The following NHSL1 variants were observed in gnomAD, a reference collection of about 807,000 sequenced individuals.
The protein encoded by NHSL1 is NHS-like protein 1.
Under a neutral mutation model 95.0 loss-of-function variants are expected in NHSL1, and 48 were observed. The ratio of observed to expected loss-of-function variants is 0.51; its 90% CI spans 0.40 to 0.64. The LOEUF (loss-of-function observed/expected upper bound fraction) is 0.64. NHSL1 is among the 30% of genes least tolerant of loss of function. The pLI, the probability that NHSL1 is intolerant of heterozygous loss-of-function variation, is 0.00. For missense variants in NHSL1, 1,971 were observed against 2,077.7 expected (o/e 0.95, Z 1.00); for synonymous variants, 783 against 833.9 (o/e 0.94, Z 1.05).
At chr6:138,517,500 C>A (rs1781504539) in intron 1 of NHSL1, among the ~76,000 whole-genome samples, 1 of 152,148 alleles carries the variant, frequency 6.6e-6, no homozygotes, top group Non-Finnish European at 1.5e-5. Context: ...AAGATCTAAC[C>A]ACTATCAGTA....
intron 1 of NHSL1, among the ~76,000 whole-genome samples, chr6:138,657,814 CAAAAAA>C (rs1051789759): frequency 1.5e-4 from 5 of 33,042 alleles, no homozygotes; most frequent in South Asian, 2.8e-3. Context: ...GACTCCATCT[CAAAAAA>C]AAAAAAAAAA....
rs771128438 is a variant in NHSL1 at position 138,433,023 on chromosome 6, G to C, written c.1322C>G (p.Ser441Cys). The change falls in exon 6 of 8, where the codon TCT becomes TGT. Residue 441 changes from serine to cysteine, a missense_variant. By Grantham distance (112) the Ser-to-Cys change is moderately radical. Coordinates refer to ENST00000343505, the MANE Select transcript of NHSL1 (RefSeq NM_001144060.2). ...QSAGQRESKS[S>C]GSSHARIKSR... ...TTTTATCCTTGCATGTGATGAGCCAGAACTTTTACTTTCCCGCTGTCCCGC... is the reference window on the plus strand; with the variant it reads ...TTTTATCCTTGCATGTGATGAGCCACAACTTTTACTTTCCCGCTGTCCCGC... 4.5e-6 allele frequency: 7 copies of C among 1,551,498 alleles called. No homozygotes were observed. The highest frequency in any genetic ancestry group is 6.1e-6 in the Non-Finnish European group (7 of 1,147,004).
chr6:138,461,786 C>T (rs1368918421), intron 3 of NHSL1, among the ~76,000 whole-genome samples: 1 of 151,988 alleles, frequency 6.6e-6, no homozygotes, highest in Non-Finnish European at 1.5e-5. Flanking sequence ...GATGAAAGGT[C>T]AAAGTAGGGT....
chr6:138,484,498 GGAAAATACACTACTAATTGT>G (rs993643828), intron 2 of NHSL1, among the ~76,000 whole-genome samples: 3 of 151,932 alleles, frequency 2.0e-5, no homozygotes, highest in African/African-American at 4.8e-5. Context: ...AACCACAGAG[GGAAAATACACTACTAATTGT>G]GGTCATCGGC....
At chr6:138,520,505 G>C (rs1562345400) in intron 1 of NHSL1, among the ~76,000 whole-genome samples, 1 of 151,926 alleles carries the variant, frequency 6.6e-6, no homozygotes, top group African/African-American at 2.4e-5. Flanking sequence ...GGCCAGGCTG[G>C]TCTTAAACTC....
Position 138,431,178 on chromosome 6 carries a change from G to C in NHSL1, c.3167C>G (p.Thr1056Ser). 1 of 1,548,658 alleles carries C rather than the reference G, an allele frequency of 6.5e-7. No individual in the cohort carries two copies. The highest frequency in any genetic ancestry group is 8.7e-7 in the Non-Finnish European group (1 of 1,144,842). Residue 1056 changes from threonine to serine, a missense_variant, in exon 6 of 8, where the codon ACC becomes AGC. By Grantham distance (58) the Thr-to-Ser change is moderately conservative. Transcript: ENST00000343505. This position sits in a 1 kb window ranked among gnomAD's most constrained non-coding sequence, Gnocchi z 4.0. ...SSRGSLRPPS[T>S]KEETSRPPMP... ...GGGGGGCCTGCTGGTCTCCTCCTTGGTAGAAGGCGGCCTCAAGGATCCCCG... is the reference window on the plus strand; with the variant it reads ...GGGGGGCCTGCTGGTCTCCTCCTTGCTAGAAGGCGGCCTCAAGGATCCCCG...
At chr6:138,624,841 C>G (rs1784714018) in intron 1 of NHSL1, among the ~76,000 whole-genome samples, 2 of 152,178 alleles carry the variant, frequency 1.3e-5, no homozygotes, top group South Asian at 2.1e-4. Context: ...GATTCTTCAT[C>G]AGAACCAAAT....
chr6:138,499,489 G>A lies in NHSL1; in HGVS notation c.-199C>T. ...CAGTTACAAACCATTAACAGTCCTT[G>A]AACCTGAAAAACTCCTACTGAAACC... On this transcript the variant is annotated 5_prime_UTR_variant, in exon 1 of 8. Transcript: ENST00000343505. The A allele has an allele frequency of 7.9e-7, 1 of 1,260,830 alleles. No individual in the cohort carries two copies. 78.1% of individuals were successfully genotyped at this position (1,260,830 alleles called of 1,614,324 possible). A position where few individuals can be genotyped will look rare whatever the true frequency, so the allele number is the denominator to read the frequency against.
intron 1 of NHSL1, among the ~76,000 whole-genome samples, chr6:138,685,278 G>A (rs1309790663): frequency 2.0e-5 from 3 of 152,102 alleles, no homozygotes; most frequent in Non-Finnish European, 2.9e-5. Context: ...CAATACCCAA[G>A]AGTCAATGAG....
At chr6:138,505,229 T>C (rs1034426955) in intron 1 of NHSL1, among the ~76,000 whole-genome samples, 4 of 152,186 alleles carry the variant, frequency 2.6e-5, no homozygotes, top group Non-Finnish European at 5.9e-5. Flanking sequence ...TTTTCACAAA[T>C]ACTGTTAAAC....
chr6:138,658,235 T>C (rs1334713392), intron 1 of NHSL1, among the ~76,000 whole-genome samples: 3 of 152,226 alleles, frequency 2.0e-5, no homozygotes. Context: ...GATGATTCTC[T>C]TAACAAATTT....
intron 2 of NHSL1, among the ~76,000 whole-genome samples, chr6:138,482,306 C>CATG (rs796097394): frequency 1.6e-4 from 25 of 152,062 alleles, no homozygotes; most frequent in African/African-American, 5.5e-4. Context: ...ATTAGCTGGG[C>CATG]GTGGTGGCGG....
intron 1 of NHSL1, among the ~76,000 whole-genome samples, chr6:138,676,509 C>G (rs1490201909): frequency 6.6e-6 from 1 of 152,148 alleles, no homozygotes; most frequent in African/African-American, 2.4e-5. Flanking sequence ...CTCATTTTAT[C>G]CACACAATTA....
chr6:138,466,586 T>C (rs1341384491), intron 3 of NHSL1, among the ~76,000 whole-genome samples: 2 of 152,174 alleles, frequency 1.3e-5, no homozygotes, highest in East Asian at 3.8e-4. Context: ...TTACTTACAG[T>C]CATGTGCAGC....
intron 3 of NHSL1, among the ~76,000 whole-genome samples, chr6:138,471,245 G>T (rs1487676132): frequency 2.6e-5 from 4 of 152,126 alleles, no homozygotes; most frequent in Non-Finnish European, 5.9e-5. Context: ...ATCTTAGGAT[G>T]CTGTCATGAC....
Position 138,499,425 on chromosome 6 carries a change from G to T in NHSL1, c.-135C>A. ...CCCGGTCTCATATCCTTAGACATCT[G>T]CCCAGGCTGATGTAACTGAGGTTGA... On this transcript the variant is annotated 5_prime_UTR_variant, in exon 1 of 8. Transcript: ENST00000343505. 1 of 1,442,426 alleles carries T rather than the reference G, an allele frequency of 6.9e-7. No individual in the cohort carries two copies. Among genetic ancestry groups the T allele is most frequent in the Non-Finnish European group, 9.2e-7 (1 of 1,091,660 alleles). 89.4% of individuals were successfully genotyped at this position (1,442,426 alleles called of 1,614,324 possible).
intron 1 of NHSL1, among the ~76,000 whole-genome samples, chr6:138,544,737 C>T (rs1028155033): frequency 1.3e-5 from 2 of 152,096 alleles, no homozygotes; most frequent in African/African-American, 2.4e-5. Context: ...AATTCATCTC[C>T]CCCTCTACCC....
intron 2 of NHSL1, among the ~76,000 whole-genome samples, chr6:138,478,839 C>T (rs1376777859): frequency 6.6e-6 from 1 of 152,170 alleles, no homozygotes; most frequent in Non-Finnish European, 1.5e-5. Flanking sequence ...AAATTTCCTC[C>T]TCCTTCCTTT....
intron 1 of NHSL1, among the ~76,000 whole-genome samples, chr6:138,691,158 C>T (rs1785661747): frequency 6.6e-6 from 1 of 152,232 alleles, no homozygotes. Context: ...GAAGTCATCA[C>T]TCACATTAAG....
Sources: gnomAD v4.1 joint callset for allele counts (sites outside exome capture counted in the v4.1 genomes callset) on GRCh38, gnomAD v4.1.1 for gene constraint, Gnocchi (gnomAD v3.1) non-coding constraint, MANE v1.5 for transcripts, NCBI Gene and HGNC (gene_info 2026-07-23, HGNC 2026-07-21) for gene names.